Variants in LIMCH1 observed in about 807,000 individuals in gnomAD.
The protein encoded by LIMCH1 is LIM and calponin homology domains-containing protein 1.
In LIMCH1, 113 loss-of-function variants were observed where a neutral mutation model predicts 176.5. The ratio of observed to expected loss-of-function variants is 0.64; its 90% CI spans 0.55 to 0.75. LIMCH1 has a LOEUF of 0.75. Among genes scored for constraint, LIMCH1 ranks in the 30% least tolerant of loss-of-function variants. The probability of loss-of-function intolerance (pLI) is 0.00; values close to 1 mark genes in which losing one functional copy is unlikely to be tolerated. For synonymous variants in LIMCH1, 619 were observed against 645.9 expected, an observed-to-expected ratio of 0.96 and a Z score of 0.63; for missense variants, 1,674 against 1,814.9, an observed-to-expected ratio of 0.92 and a Z score of 1.41.
intron 18 of LIMCH1, among the ~76,000 whole-genome samples, chr4:41,652,682 C>G (rs1454435821): frequency 6.6e-6 from 1 of 152,166 alleles, no homozygotes; most frequent in Non-Finnish European, 1.5e-5. Context: ...TCATGATGAT[C>G]GTTTTCTAAA....
intron 1 of LIMCH1, among the ~76,000 whole-genome samples, chr4:41,550,100 A>C (rs1388013598): frequency 6.6e-6 from 1 of 151,778 alleles, no homozygotes; most frequent in Non-Finnish European, 1.5e-5. Flanking sequence ...AAGAGACGGC[A>C]GGCTTCACCC....
At chr4:41,643,797 T>G (rs181831075) in intron 14 of LIMCH1, among the ~76,000 whole-genome samples, 7 of 152,360 alleles carry the variant, frequency 4.6e-5, no homozygotes, top group Admixed American at 2.6e-4. Flanking sequence ...ATAAAATGCC[T>G]TGTTTTCTTG....
chr4:41,423,734 A>G (rs1375188312), intron 1 of LIMCH1, among the ~76,000 whole-genome samples: 2 of 152,210 alleles, frequency 1.3e-5, no homozygotes, highest in Non-Finnish European at 2.9e-5. Flanking sequence ...GATTATCCCA[A>G]TCTGGGAGAA....
At chr4:41,360,693 G>C, upstream of LIMCH1, 2 of 398,734 alleles carry the variant, frequency 5.0e-6, no homozygotes, top group African/African-American at 2.1e-5. The surrounding 1 kb of genome is among the most constrained non-coding windows in gnomAD (Gnocchi z 4.5). Flanking sequence ...AGCAGCGCGC[G>C]GCTCTCCCGG....
chr4:41,684,251 A>T (rs1226666887), intron 26 of LIMCH1, 146 bp from the exon 27 acceptor site: 2 of 615,402 alleles, frequency 3.2e-6, no homozygotes, highest in Non-Finnish European at 5.1e-6. Context: ...TATCATTTTA[A>T]ATCTATTTTA....
At chr4:41,366,760 G>C (rs1452180728) in intron 1 of LIMCH1, among the ~76,000 whole-genome samples, 1 of 152,226 alleles carries the variant, frequency 6.6e-6, no homozygotes, top group African/African-American at 2.4e-5. Flanking sequence ...CAGTTCTGCT[G>C]TGATAAAATT....
chr4:41,514,732 A>G (rs2075370813), intron 2 of LIMCH1, among the ~76,000 whole-genome samples: 1 of 152,160 alleles, frequency 6.6e-6, no homozygotes, highest in Non-Finnish European at 1.5e-5. Context: ...CTGTGCCCCA[A>G]ATACAAATAG....
rs752642893 is a variant in LIMCH1, at chr4:41,646,801, A to T, written c.2728A>T (p.Ser910Cys). The change falls in exon 17 of 32, where the codon AGC becomes TGC. Residue 910 changes from serine (S) to cysteine (C), a missense_variant. Around this residue, in one of 3 missense-constraint regions of LIMCH1, gnomAD observed 1,015 missense variants for 1,102.5 expected, o/e 0.92. Transcript: ENST00000503057. ...TSMSAGSGSPSKTVTPKAVPM... is the reference protein window; with the variant it reads ...TSMSAGSGSPCKTVTPKAVPM... ...CATGTCAGCAGGCAGTGGGTCTCCAAGCAAAACTGTCACTCCCAAAGCAGT... is the reference window on the plus strand; with the variant it reads ...CATGTCAGCAGGCAGTGGGTCTCCATGCAAAACTGTCACTCCCAAAGCAGT... 1 of 1,614,166 alleles carries T rather than the reference A, an allele frequency of 6.2e-7. No individual in the cohort carries two copies. Among genetic ancestry groups the T allele is most frequent in the South Asian group, 1.1e-5 (1 of 91,072 alleles).
Position 41,662,516 on chromosome 4 carries a change from G to A in LIMCH1, c.3128-305G>A, listed in dbSNP as rs1044765367. Among the ~76,000 whole-genome samples the A allele has an allele frequency of 5.9e-5, 9 of 152,246 alleles. No individual in the cohort carries two copies. The South Asian group carries it at 1.0e-3, about 18-fold the overall frequency. On this transcript the variant is annotated intron_variant, in intron 19 of 31. Coordinates refer to ENST00000503057, the MANE Select transcript of LIMCH1 (RefSeq NM_001330672.2). Reference sequence around the variant, plus strand: ...CCCAGCTGTCATAATTATATATTTCGTGTCAGCATTCTGTTCCATGTGGTG... The same window carrying A: ...CCCAGCTGTCATAATTATATATTTCATGTCAGCATTCTGTTCCATGTGGTG...
chr4:41,628,649 A>G (rs1381407365), intron 8 of LIMCH1, among the ~76,000 whole-genome samples: 1 of 152,196 alleles, frequency 6.6e-6, no homozygotes, highest in Non-Finnish European at 1.5e-5. Flanking sequence ...TTCTATTTCA[A>G]GAAGCATATT....
rs2094067179 is a variant in LIMCH1 at position 41,646,500 on chromosome 4, A to C, written c.2427A>C (p.Arg809Ser). 1.9e-6 allele frequency: 3 copies of C among 1,612,972 alleles called. No individual in the cohort carries two copies. Among genetic ancestry groups the C allele is most frequent in the African/African-American group, 1.3e-5 (1 of 74,864 alleles). The change falls in exon 17 of 32, where the codon AGA becomes AGC. Residue 809 changes from arginine (R) to serine (S), a missense_variant. Physicochemically the swap from Arg to Ser is moderately radical, Grantham distance 110 (BLOSUM62 -1). Coordinates refer to ENST00000503057, the MANE Select transcript of LIMCH1 (RefSeq NM_001330672.2). ...EIVQEKERRE[R>S]ELHEAYKNAR... ...TGTCCTTTAGAGAGCGGAGAGAGAG[A>C]GAGCTGCATGAAGCATATAAGAACG...
intron 1 of LIMCH1, among the ~76,000 whole-genome samples, chr4:41,455,724 G>C (rs1056132754): frequency 7.2e-5 from 11 of 152,214 alleles, no homozygotes; most frequent in African/African-American, 2.7e-4. Flanking sequence ...CAGCGCACAA[G>C]TTAATTTAAT....
chr4:41,381,554 G>A (rs1407475841), intron 1 of LIMCH1, among the ~76,000 whole-genome samples: 4 of 152,188 alleles, frequency 2.6e-5, no homozygotes, highest in Non-Finnish European at 5.9e-5. Context: ...TCCCTGAAGA[G>A]GTGGAGTCTG....
rs1313085175 is a variant in LIMCH1, at chr4:41,651,878, A to T, written c.3036+1270A>T. ...TGGAGTAGAAGACATCATTGGGAAA[A>T]TTGCACTTTCTTCCATCTCTCACCA... On this transcript the variant is annotated intron_variant, in intron 18 of 31. Coordinates refer to ENST00000503057, the MANE Select transcript of LIMCH1 (RefSeq NM_001330672.2). 4.6e-5 allele frequency among the ~76,000 whole-genome samples: 7 copies of T among 152,186 alleles called. No homozygotes were observed. In the East Asian group the frequency reaches 1.2e-3, roughly 25 times the overall value.
intron 1 of LIMCH1, among the ~76,000 whole-genome samples, chr4:41,576,749 A>G (rs1366256696): frequency 2.0e-5 from 3 of 152,166 alleles, no homozygotes; most frequent in African/African-American, 4.8e-5. Context: ...TAGTCTTACT[A>G]TGGAATGCCA....
At chr4:41,616,432 G>A (rs992852815) in intron 5 of LIMCH1, among the ~76,000 whole-genome samples, 2 of 152,084 alleles carry the variant, frequency 1.3e-5, no homozygotes, top group Non-Finnish European at 2.9e-5. Context: ...AGGAGGCTGA[G>A]GCAGGAGAAT....
intron 1 of LIMCH1, among the ~76,000 whole-genome samples, chr4:41,454,900 T>C (rs77918301): frequency 2.0e-5 from 3 of 151,788 alleles, no homozygotes; most frequent in African/African-American, 4.8e-5. Context: ...GCACAGAAAA[T>C]GTATACCTGA....
chr4:41,523,078 G>A (rs980183015), intron 2 of LIMCH1, among the ~76,000 whole-genome samples: 1 of 152,032 alleles, frequency 6.6e-6, no homozygotes, highest in African/African-American at 2.4e-5. Flanking sequence ...CACAATCACT[G>A]TAGGGACATT....
intron 7 of LIMCH1, among the ~76,000 whole-genome samples, chr4:41,624,561 C>T (rs2092814475): frequency 7.0e-6 from 1 of 142,104 alleles, no homozygotes; most frequent in Non-Finnish European, 1.5e-5. Flanking sequence ...AAGGCAAAAA[C>T]CGCAATTACT....
Sources: allele counts gnomAD v4.1 joint callset (sites outside exome capture counted in the v4.1 genomes callset), GRCh38; gene constraint gnomAD v4.1.1; regional missense constraint gnomAD v4.1.1; non-coding constraint Gnocchi (gnomAD v3.1); transcripts MANE v1.5; gene names NCBI Gene and HGNC (gene_info 2026-07-23, HGNC 2026-07-21).